The following STON2 variants were observed in gnomAD, a reference collection of about 807,000 sequenced individuals.
STON2 encodes the protein stonin-2.
Under a neutral mutation model 65.7 loss-of-function variants are expected in STON2, and 29 were observed. The ratio of observed to expected loss-of-function variants is 0.44; its 90% CI spans 0.33 to 0.60. STON2 has a LOEUF of 0.60. STON2 is among the 20% of genes least tolerant of loss of function. The pLI is 0.03. For missense variants in STON2, 1,054 were observed against 1,118.1 expected, an observed-to-expected ratio of 0.94 and a Z score of 0.82; for synonymous variants, 404 against 414.2, an observed-to-expected ratio of 0.98 and a Z score of 0.30.
chr14:81,262,623 C>T lies in STON2; in HGVS notation c.*5791G>A, dbSNP rs1894193818. 2.0e-6 allele frequency: 2 copies of T among 985,244 alleles called. No homozygotes were observed. The highest frequency in any genetic ancestry group is 9.4e-5 in the South Asian group (2 of 21,278). 61.0% of individuals were successfully genotyped at this position (985,244 alleles called of 1,614,324 possible). On this transcript the variant is annotated 3_prime_UTR_variant, in exon 8 of 8. Coordinates refer to ENST00000614646, the MANE Select transcript of STON2 (RefSeq NM_001394390.1). ...TGTTACATCCAATGATCATTTGCCTCTCTCCAGGCACTACCAAACTCATTA... is the reference window on the plus strand; with the variant it reads ...TGTTACATCCAATGATCATTTGCCTTTCTCCAGGCACTACCAAACTCATTA...
At chr14:81,426,601 T>G (rs1174668283) in intron 2 of STON2, among the ~76,000 whole-genome samples, 2 of 152,052 alleles carry the variant, frequency 1.3e-5, no homozygotes, top group Non-Finnish European at 2.9e-5. Context: ...GACTCTCCCT[T>G]CCCTGAAATG....
chr14:81,415,692 C>T (rs890821642), intron 2 of STON2, among the ~76,000 whole-genome samples: 2 of 132,846 alleles, frequency 1.5e-5, no homozygotes, highest in African/African-American at 6.1e-5. Context: ...AAAAAAAAAT[C>T]TATTGTAATT....
intron 5 of STON2, among the ~76,000 whole-genome samples, chr14:81,305,320 C>A (rs1896128975): frequency 1.3e-5 from 2 of 152,186 alleles, no homozygotes; most frequent in African/African-American, 2.4e-5. Context: ...ATTTACACTC[C>A]CACCCACTGT....
intron 2 of STON2, among the ~76,000 whole-genome samples, chr14:81,413,565 G>A (rs1901274211): frequency 7.2e-6 from 1 of 139,624 alleles, no homozygotes; most frequent in Admixed American, 7.1e-5. Context: ...GGAGGCTGAG[G>A]CAGGCAGATC....
intron 4 of STON2, among the ~76,000 whole-genome samples, chr14:81,343,194 AG>A (rs1897681430): frequency 6.6e-6 from 1 of 152,220 alleles, no homozygotes; most frequent in Admixed American, 6.5e-5. Context: ...ACTGAGGGAA[AG>A]GGGGAGAATT....
At chr14:81,386,348 T>C (rs1308670982) in intron 3 of STON2, among the ~76,000 whole-genome samples, 1 of 150,682 alleles carries the variant, frequency 6.6e-6, no homozygotes, top group Non-Finnish European at 1.5e-5. Flanking sequence ...CACCACTCAC[T>C]ACCCCCATTA....
chr14:81,434,603 T>C (rs1260588529), intron 1 of STON2, among the ~76,000 whole-genome samples: 3 of 151,916 alleles, frequency 2.0e-5, no homozygotes, highest in African/African-American at 7.3e-5. Context: ...AGCCTATGGG[T>C]TGGGGGATAG....
intron 5 of STON2, among the ~76,000 whole-genome samples, chr14:81,320,185 A>G (rs1430696036): frequency 6.6e-6 from 1 of 151,796 alleles, no homozygotes; most frequent in Non-Finnish European, 1.5e-5. Flanking sequence ...TCTACATTCC[A>G]AGAGACGCCA....
Position 81,398,377 on chromosome 14 carries a change from C to T in STON2, c.6G>A (p.Thr2=), listed in dbSNP as rs754642341. The change falls in exon 2 of 8, where the codon ACG becomes ACA. Residue 2 remains threonine (T), a synonymous_variant. Coordinates refer to ENST00000614646, the MANE Select transcript of STON2 (RefSeq NM_001394390.1). ...GGGTGGCAATCACATGGTCCAAAGT[C>T]GTCATGCTAAAAAGGCACTGGTCAT... M[T]TLDHVIATHQ... is the part of the protein sequence containing the mutation. 9.9e-6 allele frequency: 16 copies of T among 1,613,738 alleles called. No homozygotes were observed. In the South Asian group the frequency reaches 1.1e-4, roughly 11 times the overall value.
At chr14:81,387,328 T>C (rs1027906697) in intron 3 of STON2, among the ~76,000 whole-genome samples, 6 of 152,156 alleles carry the variant, frequency 3.9e-5, no homozygotes, top group Non-Finnish European at 8.8e-5. Context: ...AACAGTGTTC[T>C]TGTGGCTAAT....
upstream of STON2, among the ~76,000 whole-genome samples, chr14:81,400,497 A>AAT (rs1555406734): frequency 6.7e-6 from 1 of 148,914 alleles, no homozygotes; most frequent in African/African-American, 2.5e-5. Context: ...AAAAAAAAAA[A>AAT]CCCACAATAC....
At chr14:81,386,115 GAAGGA>G (rs1301218348) in intron 3 of STON2, among the ~76,000 whole-genome samples, 1 of 152,178 alleles carries the variant, frequency 6.6e-6, no homozygotes, top group African/African-American at 2.4e-5. Flanking sequence ...TCAGCCCTGA[GAAGGA>G]AAGGCTCTGC....
chr14:81,295,006 T>G (rs1895703842), intron 5 of STON2, among the ~76,000 whole-genome samples: 1 of 152,180 alleles, frequency 6.6e-6, no homozygotes, highest in Non-Finnish European at 1.5e-5. Flanking sequence ...GGGTGCCGGG[T>G]GGGCAGTTAT....
intron 4 of STON2, among the ~76,000 whole-genome samples, chr14:81,352,043 A>G (rs1898044303): frequency 6.6e-6 from 1 of 152,220 alleles, no homozygotes; most frequent in Admixed American, 6.5e-5. Flanking sequence ...ATATATTAAA[A>G]TACTTATCTA....
chr14:81,327,024 G>A (rs548082173), intron 4 of STON2, among the ~76,000 whole-genome samples: 4 of 152,314 alleles, frequency 2.6e-5, no homozygotes, highest in African/African-American at 9.6e-5. Flanking sequence ...CAGGCGTGGT[G>A]GCACGCGCCT....
At chr14:81,340,109 G>A (rs978559638) in intron 4 of STON2, among the ~76,000 whole-genome samples, 18 of 152,296 alleles carry the variant, frequency 1.2e-4, no homozygotes, top group Non-Finnish European at 2.4e-4. Context: ...AGCCCAGATC[G>A]CGCCACCGCA....
At chr14:81,402,077 G>A (rs921999477), upstream of STON2, among the ~76,000 whole-genome samples, 2 of 152,186 alleles carry the variant, frequency 1.3e-5, no homozygotes, top group African/African-American at 4.8e-5. Context: ...TATCTACTGG[G>A]GGAATATGGA....
chr14:81,386,473 C>A (rs925317257), intron 3 of STON2, among the ~76,000 whole-genome samples: 1 of 152,182 alleles, frequency 6.6e-6, no homozygotes, highest in African/African-American at 2.4e-5. Flanking sequence ...CTCTGATCCT[C>A]CCCCAAACAA....
intron 4 of STON2, among the ~76,000 whole-genome samples, chr14:81,330,154 T>TG (rs971993752): frequency 2.0e-5 from 3 of 152,212 alleles, no homozygotes; most frequent in Non-Finnish European, 4.4e-5. Context: ...AGCACTCCCC[T>TG]GGTTATTCAA....
Sources: allele counts gnomAD v4.1 joint callset (sites outside exome capture counted in the v4.1 genomes callset), GRCh38; gene constraint gnomAD v4.1.1; transcripts MANE v1.5; gene names NCBI Gene and HGNC (gene_info 2026-07-23, HGNC 2026-07-21).